Variants in DPYSL2 observed in about 807,000 individuals in gnomAD.
The protein encoded by DPYSL2 is dihydropyrimidinase-related protein 2.
Under a neutral mutation model 69.9 loss-of-function variants are expected in DPYSL2, and 13 were observed. That is an observed-to-expected ratio of 0.19 (90% confidence interval 0.12 to 0.30). DPYSL2 has a LOEUF of 0.30. DPYSL2 is among the 10% of genes least tolerant of loss of function. The pLI is 1.00. For synonymous variants in DPYSL2, 326 were observed against 359.1 expected, an observed-to-expected ratio of 0.91 and a Z score of 1.04; for missense variants, 587 against 918.9, an observed-to-expected ratio of 0.64 and a Z score of 4.67.
chr8:26,572,811 G>A (rs1429475338), intron 1 of DPYSL2, among the ~76,000 whole-genome samples: 2 of 152,228 alleles, frequency 1.3e-5, no homozygotes, highest in African/African-American at 4.8e-5. Context: ...GAATGAGTAA[G>A]ACTTTTGAAA....
At chr8:26,633,249 C>T (rs1264736935) in intron 7 of DPYSL2, among the ~76,000 whole-genome samples, 1 of 152,188 alleles carries the variant, frequency 6.6e-6, no homozygotes, top group Non-Finnish European at 1.5e-5. Context: ...TGAGTAAGCC[C>T]CAGTCCCTCC....
intron 3 of DPYSL2, among the ~76,000 whole-genome samples, chr8:26,592,616 C>G (rs1220059469): frequency 6.6e-6 from 1 of 151,922 alleles, no homozygotes; most frequent in Non-Finnish European, 1.5e-5. Flanking sequence ...GCTTGGATTA[C>G]AGGCATGCAC....
intron 3 of DPYSL2, among the ~76,000 whole-genome samples, chr8:26,612,166 G>C (rs1244560272): frequency 1.3e-5 from 2 of 152,188 alleles, no homozygotes; most frequent in Non-Finnish European, 2.9e-5. Flanking sequence ...AAAGAGCTTT[G>C]TGTTTTACCC....
At position 26,564,498 on chromosome 8, in the gene DPYSL2, T is replaced by C. The variant is rs1307777969; in HGVS notation, c.355-17471T>C. Among the ~76,000 whole-genome samples, 1 of 152,162 alleles carries C rather than the reference T, an allele frequency of 6.6e-6. No homozygotes were observed. The highest frequency in any genetic ancestry group is 2.4e-5 in the African/African-American group (1 of 41,434). Reference sequence around the variant, plus strand: ...AATAATCCTTGAATGGGCTGACGTCTTCCTGTGAGACCTAGGGAAGGAGAA... The same window carrying C: ...AATAATCCTTGAATGGGCTGACGTCCTCCTGTGAGACCTAGGGAAGGAGAA... On this transcript the variant is annotated intron_variant, in intron 1 of 13. Transcript: ENST00000521913. This position sits in a 1 kb window ranked among gnomAD's most constrained non-coding sequence, Gnocchi z 4.8.
intron 1 of DPYSL2, among the ~76,000 whole-genome samples, chr8:26,548,846 C>A (rs1800825760): frequency 6.6e-6 from 1 of 151,888 alleles, no homozygotes; most frequent in South Asian, 2.1e-4. Context: ...CCACTGCATT[C>A]CAGCCTGGGT....
At chr8:26,529,587 G>A (rs1355835457) in intron 1 of DPYSL2, among the ~76,000 whole-genome samples, 1 of 151,998 alleles carries the variant, frequency 6.6e-6, no homozygotes, top group African/African-American at 2.4e-5. Context: ...AAAGGGCTGG[G>A]ATTATAGGCA....
chr8:26,653,464 G>A lies in DPYSL2; in HGVS notation c.1942+67G>A, dbSNP rs1314316283. The A allele has an allele frequency of 6.6e-7, 1 of 1,507,538 alleles. No homozygotes were observed. The highest frequency in any genetic ancestry group is 9.0e-7 in the Non-Finnish European group (1 of 1,114,670). 93.4% of individuals were successfully genotyped at this position (1,507,538 alleles called of 1,614,324 possible). A position where few individuals can be genotyped will look rare whatever the true frequency, so the allele number is the denominator to read the frequency against. ...GCTCGCTGGTGCTGGCGAGGCTACA[G>A]TTGCATTTGGAAAGGACACAGAAAT... On this transcript the variant is annotated intron_variant, in intron 13 of 13. Coordinates refer to ENST00000521913, the MANE Select transcript of DPYSL2 (RefSeq NM_001197293.3). This position sits in a 1 kb window ranked among gnomAD's most constrained non-coding sequence, Gnocchi z 5.7.
chr8:26,549,092 G>A (rs1800830584), intron 1 of DPYSL2, among the ~76,000 whole-genome samples: 1 of 151,682 alleles, frequency 6.6e-6, no homozygotes. Context: ...GGGAGGCTGA[G>A]GCAAGAGAAT....
At position 26,587,272 on chromosome 8, in the gene DPYSL2, A is replaced by C. The variant is rs931769164; in HGVS notation, c.628+3289A>C. Among the ~76,000 whole-genome samples the C allele has an allele frequency of 1.6e-4, 25 of 152,236 alleles. No individual in the cohort carries two copies. The highest frequency in any genetic ancestry group is 6.0e-4 in the African/African-American group (25 of 41,462). On this transcript the variant is annotated intron_variant, in intron 3 of 13. Coordinates refer to ENST00000521913, the MANE Select transcript of DPYSL2 (RefSeq NM_001197293.3). This position sits in a 1 kb window ranked among gnomAD's most constrained non-coding sequence, Gnocchi z 4.2. Reference sequence around the variant, plus strand: ...AGAAAGAAATGCCTGGGGCACTTTGAAAACTTCACAGGCCCACTGCTGCTT... The same window carrying C: ...AGAAAGAAATGCCTGGGGCACTTTGCAAACTTCACAGGCCCACTGCTGCTT...
Position 26,652,416 on chromosome 8 carries a change from C to T in DPYSL2, c.1756C>T (p.Arg586Cys), listed in dbSNP as rs1337153084. 1.9e-6 allele frequency: 3 copies of T among 1,612,994 alleles called. No homozygotes were observed. The highest frequency in any genetic ancestry group is 2.2e-5 in the South Asian group (2 of 90,868). ...GCCCTTCCCTGATTTTGTTTACAAG[C>T]GTATCAAGGCAAGGAGCAGGGTGAG... ...RKPFPDFVYK[R>C]IKARSRLAEL... The change falls in exon 12 of 14, where the codon CGT (arginine) becomes TGT (cysteine). Residue 586 changes from arginine (R) to cysteine (C), a missense_variant. Physicochemically the swap from Arg to Cys is radical, Grantham distance 180. Transcript: ENST00000521913. The surrounding 1 kb of genome is among the most constrained non-coding windows in gnomAD (Gnocchi z 6.3).
chr8:26,643,984 A>C lies in DPYSL2; in HGVS notation c.1318A>C (p.Thr440Pro). 1 of 1,614,226 alleles carries C rather than the reference A, an allele frequency of 6.2e-7. No individual in the cohort carries two copies. The highest frequency in any genetic ancestry group is 1.1e-5 in the South Asian group (1 of 91,084). Residue 440 changes from threonine to proline, a missense_variant, in exon 10 of 14, where the codon ACG (threonine) becomes CCG (proline). Physicochemically the swap from Thr to Pro is conservative, Grantham distance 38 (BLOSUM62 -1). Around this residue, in one of 3 missense-constraint regions of DPYSL2, gnomAD observed 452 missense variants for 754.3 expected, o/e 0.60. Transcript: ENST00000521913. This position sits in a 1 kb window ranked among gnomAD's most constrained non-coding sequence, Gnocchi z 6.5. ...CCAGGTCACGGGCAGTGCCCATTGC[A>C]CGTTTAACACTGCCCAGAAGGCTGT... ...DLQVTGSAHC[T>P]FNTAQKAVGK... is the part of the protein sequence containing the mutation.
chr8:26,577,704 A>T, intron 1 of DPYSL2: 1 of 708,710 alleles, frequency 1.4e-6, no homozygotes, highest in Non-Finnish European at 1.7e-6. Flanking sequence ...CCCCGGCCCG[A>T]AGAAAGCGCG....
chr8:26,564,987 T>C lies in DPYSL2; in HGVS notation c.355-16982T>C, dbSNP rs1043782424. The stretch of plus-strand genomic sequence containing the variant: ...CACTCTGTATGCCTTTGTGTATTCA[T>C]AGCTTAGCTCCCTCTTATAAGTGAG... On this transcript the variant is annotated intron_variant, in intron 1 of 13. Transcript: ENST00000521913. The surrounding 1 kb of genome is among the most constrained non-coding windows in gnomAD (Gnocchi z 4.8). Among the ~76,000 whole-genome samples the C allele has an allele frequency of 2.6e-5, 4 of 152,200 alleles. No homozygotes were observed. Among genetic ancestry groups the C allele is most frequent in the Admixed American group, 1.3e-4 (2 of 15,280 alleles).
chr8:26,568,388 A>G (rs1801185228), intron 1 of DPYSL2, among the ~76,000 whole-genome samples: 1 of 152,150 alleles, frequency 6.6e-6, no homozygotes, highest in Non-Finnish European at 1.5e-5. Context: ...GAACTTGTAA[A>G]CATCTCCTGA....
Position 26,655,883 on chromosome 8 carries a change from C to A in DPYSL2, c.*177C>A. ...TGGGGCCCCACACCCCGTCTCTCACCAAGAGTTACTGATTTTGCTCATCCA... is the reference window on the plus strand; with the variant it reads ...TGGGGCCCCACACCCCGTCTCTCACAAAGAGTTACTGATTTTGCTCATCCA... On this transcript the variant is annotated 3_prime_UTR_variant, in exon 14 of 14. Transcript: ENST00000521913. 2.0e-6 allele frequency: 1 copy of A among 498,532 alleles called. No individual in the cohort carries two copies. The highest frequency in any genetic ancestry group is 3.5e-6 in the Non-Finnish European group (1 of 287,368). The allele number at this position is 498,532 out of a possible 1,614,324, so 30.9% of individuals were successfully genotyped here.
rs946878978 is a variant in DPYSL2 at position 26,598,059 on chromosome 8, G to T, written c.628+14076G>T. Among the ~76,000 whole-genome samples, 6 of 152,166 alleles carry T rather than the reference G, an allele frequency of 3.9e-5. No individual in the cohort carries two copies. The highest frequency in any genetic ancestry group is 8.8e-5 in the Non-Finnish European group (6 of 68,036). On this transcript the variant is annotated intron_variant, in intron 3 of 13. Transcript: ENST00000521913. The surrounding 1 kb of genome is among the most constrained non-coding windows in gnomAD (Gnocchi z 4.2). ...TGAATCGTCAGATGCACCTGGATCA[G>T]CATGTCTTGCATAATAGGGTTGCTT...
chr8:26,591,128 C>T lies in DPYSL2; in HGVS notation c.628+7145C>T, dbSNP rs920631. Among the ~76,000 whole-genome samples the T allele has an allele frequency of 0.014, 2,071 of 152,310 alleles. 25 individuals carry two copies. Among genetic ancestry groups the T allele is most frequent in the Middle Eastern group, 0.068 (20 of 294 alleles). On this transcript the variant is annotated intron_variant, in intron 3 of 13. Transcript: ENST00000521913. The surrounding 1 kb of genome is among the most constrained non-coding windows in gnomAD (Gnocchi z 5.8). Reference sequence around the variant, plus strand: ...CCTTCAGGTGCCCTCATCCCAGTTCCTACTCTGCCTATGGGTGTTTTACAT... The same window carrying T: ...CCTTCAGGTGCCCTCATCCCAGTTCTTACTCTGCCTATGGGTGTTTTACAT...
intron 8 of DPYSL2, among the ~76,000 whole-genome samples, chr8:26,635,681 CTTCT>C (rs150864463): frequency 0.64 from 96,400 of 151,536 alleles, 32,741 homozygotes; most frequent in Non-Finnish European, 0.76. Flanking sequence ...AAAGGGTCCC[CTTCT>C]TTCTTCCTTC....
At chr8:26,628,068 C>A in intron 7 of DPYSL2, 128 bp downstream of exon 7, 1 of 916,020 alleles carries the variant, frequency 1.1e-6, no homozygotes, top group Non-Finnish European at 1.7e-6. Context: ...TTCTGAGAAG[C>A]TGTGGGTCAC....
Sources: gnomAD v4.1 joint callset for allele counts (sites outside exome capture counted in the v4.1 genomes callset) on GRCh38, gnomAD v4.1.1 for gene constraint, gnomAD v4.1.1 regional missense constraint, Gnocchi (gnomAD v3.1) non-coding constraint, MANE v1.5 for transcripts, NCBI Gene and HGNC (gene_info 2026-07-23, HGNC 2026-07-21) for gene names.